Variants in CACNA1D observed in about 807,000 individuals in gnomAD.
CACNA1D encodes voltage-dependent L-type calcium channel subunit alpha-1D.
CACNA1D carries 55 observed loss-of-function variants against 257.1 expected under a neutral mutation model. The ratio of observed to expected loss-of-function variants is 0.21; its 90% CI spans 0.17 to 0.27. The LOEUF (loss-of-function observed/expected upper bound fraction) is 0.27, where lower values mean the gene tolerates loss of function less well. Among genes scored for constraint, CACNA1D ranks in the 10% least tolerant of loss-of-function variants. The pLI is 1.00. For missense variants in CACNA1D, 1,876 were observed against 2,784.0 expected (o/e 0.67, Z 7.34); for synonymous variants, 980 against 1,014.9 (o/e 0.97, Z 0.65).
chr3:53,707,387 A>G (rs1369147550), intron 9 of CACNA1D, among the ~76,000 whole-genome samples: 1 of 152,164 alleles, frequency 6.6e-6, no homozygotes, highest in Non-Finnish European at 1.5e-5. Flanking sequence ...CAGTGGCTGA[A>G]TATCACACTG....
At position 53,718,381 on chromosome 3, in the gene CACNA1D, A is replaced by C. The variant is rs769060712; in HGVS notation, c.1471A>C (p.Ser491Arg). ...GEGENRGCCG[S>R]LCQAISKSKL... ...AGGCGAGAACCGAGGCTGCTGTGGA[A>C]GTCTCTGGTGAGTGTGGGGAGCACT... The change falls in exon 10 of 48, where the codon AGT becomes CGT. Residue 491 changes from serine (S) to arginine (R), a missense_variant. This residue lies in a region of CACNA1D where 257 missense variants were observed against 399.7 expected (regional missense o/e 0.64). Transcript: ENST00000350061. The C allele has an allele frequency of 6.2e-7, 1 of 1,613,896 alleles. No individual in the cohort carries two copies. Among genetic ancestry groups the C allele is most frequent in the East Asian group, 2.2e-5 (1 of 44,882 alleles).
At chr3:53,516,753 T>A (rs1176418379) in intron 3 of CACNA1D, among the ~76,000 whole-genome samples, 1 of 152,240 alleles carries the variant, frequency 6.6e-6, no homozygotes, top group Non-Finnish European at 1.5e-5. Context: ...GGCCCAGCAT[T>A]TTTTCTGTGT....
intron 3 of CACNA1D, among the ~76,000 whole-genome samples, chr3:53,619,848 A>G (rs944558952): frequency 2.0e-5 from 3 of 152,222 alleles, no homozygotes; most frequent in Non-Finnish European, 1.5e-5. Context: ...TGCAGTGCCT[A>G]GGACACATGC....
rs546391498 is a variant in CACNA1D, at chr3:53,528,532, A to C, written c.483+26812A>C. Among the ~76,000 whole-genome samples, 5 of 152,298 alleles carry C rather than the reference A, an allele frequency of 3.3e-5. No individual in the cohort carries two copies. In the South Asian group the frequency reaches 8.3e-4, roughly 25 times the overall value. On this transcript the variant is annotated intron_variant, in intron 3 of 47. Transcript: ENST00000350061. ...GCTATTCTAGGTCCTTTGCATTTCT[A>C]TCTAAATTTTAGAATTAACTTGTCA...
intron 3 of CACNA1D, among the ~76,000 whole-genome samples, chr3:53,581,003 A>G (rs2093123136): frequency 6.6e-6 from 1 of 152,224 alleles, no homozygotes; most frequent in South Asian, 2.1e-4. Flanking sequence ...AGGTTTGGCC[A>G]CCTAAGCAAT....
intron 3 of CACNA1D, among the ~76,000 whole-genome samples, chr3:53,556,628 G>C (rs2092649445): frequency 6.6e-6 from 1 of 151,440 alleles, no homozygotes; most frequent in Non-Finnish European, 1.5e-5. Flanking sequence ...ATATATCCTG[G>C]ATCCAGGTCT....
intron 9 of CACNA1D, among the ~76,000 whole-genome samples, chr3:53,716,066 AG>A (rs2094815130): frequency 6.6e-6 from 1 of 152,274 alleles, no homozygotes; most frequent in Non-Finnish European, 1.5e-5. Context: ...ATGACTCCAG[AG>A]ATTAAAAAGC....
intron 3 of CACNA1D, among the ~76,000 whole-genome samples, chr3:53,632,472 A>G (rs1156797664): frequency 1.3e-5 from 2 of 152,224 alleles, no homozygotes. Flanking sequence ...TCACTTTCTT[A>G]TCATCATTTG....
At chr3:53,542,089 T>G (rs2092311262) in intron 3 of CACNA1D, among the ~76,000 whole-genome samples, 1 of 152,180 alleles carries the variant, frequency 6.6e-6, no homozygotes, top group Non-Finnish European at 1.5e-5. Context: ...GCTGGTTGCA[T>G]ATATCTGTGA....
At chr3:53,644,625 C>A (rs2094000283) in intron 3 of CACNA1D, among the ~76,000 whole-genome samples, 1 of 152,056 alleles carries the variant, frequency 6.6e-6, no homozygotes, top group Non-Finnish European at 1.5e-5. Context: ...CTAGGTTCAC[C>A]CATGTTATTG....
At chr3:53,580,772 A>C (rs199513867) in intron 3 of CACNA1D, among the ~76,000 whole-genome samples, 1 of 152,224 alleles carries the variant, frequency 6.6e-6, no homozygotes, top group African/African-American at 2.4e-5. Context: ...TCTTTCTTAA[A>C]TTGCAGAAGT....
At chr3:53,569,694 C>T (rs2092910396) in intron 3 of CACNA1D, among the ~76,000 whole-genome samples, 1 of 152,154 alleles carries the variant, frequency 6.6e-6, no homozygotes, top group Non-Finnish European at 1.5e-5. Flanking sequence ...GAATTGATAC[C>T]AGGCATTCAA....
chr3:53,763,167 A>G (rs1247807005), intron 30 of CACNA1D, among the ~76,000 whole-genome samples: 1 of 152,228 alleles, frequency 6.6e-6, no homozygotes, highest in Non-Finnish European at 1.5e-5. Flanking sequence ...TCCCACACCC[A>G]AAGGGTGATG....
At chr3:53,572,362 GTTT>G (rs746450264) in intron 3 of CACNA1D, among the ~76,000 whole-genome samples, 1 of 45,608 alleles carries the variant, frequency 2.2e-5, no homozygotes, top group East Asian at 6.3e-4. Flanking sequence ...CCTCTGGTTT[GTTT>G]GTTTGTTTGT....
In CACNA1D at chr3:53,803,544, G is replaced by A. The variant is rs767266272; in HGVS notation, c.5557G>A (p.Glu1853Lys). 2.2e-5 allele frequency: 36 copies of A among 1,614,016 alleles called. No individual in the cohort carries two copies. The highest frequency in any genetic ancestry group is 2.7e-5 in the African/African-American group (2 of 74,956). The part of the protein sequence containing the change: ...QEYFSSEECY[E>K]DDSSPTWSRQ... ...GTATTTCAGTAGTGAGGAATGCTACGAGGATGACAGCTCGCCCACCTGGAG... is the reference window on the plus strand; with the variant it reads ...GTATTTCAGTAGTGAGGAATGCTACAAGGATGACAGCTCGCCCACCTGGAG... Residue 1853 changes from glutamate to lysine, a missense_variant, in exon 44 of 48, where the codon GAG becomes AAG. Around this residue, in one of 10 missense-constraint regions of CACNA1D, gnomAD observed 491 missense variants for 554.3 expected, o/e 0.89. Coordinates refer to ENST00000350061, the MANE Select transcript of CACNA1D (RefSeq NM_001128840.3).
chr3:53,506,427 G>C (rs906110675), intron 3 of CACNA1D, among the ~76,000 whole-genome samples: 1 of 152,136 alleles, frequency 6.6e-6, no homozygotes, highest in Non-Finnish European at 1.5e-5. Flanking sequence ...CTGACTCTTT[G>C]GCTGATTAGC....
rs2094533054 is a variant in CACNA1D at position 53,691,923 on chromosome 3, TA to T, written c.1221-10717del. 8.0e-5 allele frequency among the ~76,000 whole-genome samples: 5 copies of T among 62,218 alleles called. No homozygotes were observed. The South Asian group carries it at 2.4e-3, about 30-fold the overall frequency. 40.8% of individuals were successfully genotyped at this position (62,218 alleles called of 152,430 possible). A position where few individuals can be genotyped will look rare whatever the true frequency, so the allele number is the denominator to read the frequency against. On this transcript the variant is annotated intron_variant, in intron 8 of 47. Coordinates refer to ENST00000350061, the MANE Select transcript of CACNA1D (RefSeq NM_001128840.3). ...TACATATATTATATATAATATATATTATATATATTATATATATATTTTAAGG... is the reference window on the plus strand; with the variant it reads ...TACATATATTATATATAATATATATTTATATATTATATATATATTTTAAGG...
chr3:53,688,043 A>G (rs896169166), intron 8 of CACNA1D, among the ~76,000 whole-genome samples: 1 of 152,276 alleles, frequency 6.6e-6, no homozygotes, highest in Non-Finnish European at 1.5e-5. Context: ...AAAGTTAAAC[A>G]TATACTCACC....
intron 46 of CACNA1D, 171 bp downstream of exon 46, chr3:53,808,941 C>T (rs1353884607): frequency 1.5e-6 from 1 of 688,448 alleles, no homozygotes; most frequent in Non-Finnish European, 2.4e-6. Flanking sequence ...GGCCATGAGT[C>T]CCATGCTGCC....
Sources: allele counts gnomAD v4.1 joint callset (sites outside exome capture counted in the v4.1 genomes callset), GRCh38; gene constraint gnomAD v4.1.1; regional missense constraint gnomAD v4.1.1; transcripts MANE v1.5; gene names NCBI Gene and HGNC (gene_info 2026-07-23, HGNC 2026-07-21).